Variants in PEMT observed in about 807,000 individuals in gnomAD.
PEMT encodes phospholipid methyltransferase.
In PEMT, 23 loss-of-function variants were observed where a neutral mutation model predicts 27.4. That is an observed-to-expected ratio of 0.84 (90% CI 0.60 to 1.19). The LOEUF is 1.19. PEMT is among the 50% of genes most tolerant of loss of function. The probability of loss-of-function intolerance (pLI) is 0.00; values close to 1 mark genes in which losing one functional copy is unlikely to be tolerated. For synonymous variants in PEMT, 137 were observed against 139.1 expected (o/e 0.98, Z 0.11); for missense variants, 307 against 310.1 (o/e 0.99, Z 0.07).
chr17:17,511,810 T>A (rs1223511062), intron 4 of PEMT, among the ~76,000 whole-genome samples: 2 of 81,564 alleles, frequency 2.5e-5, no homozygotes. Flanking sequence ...TGCCCCCATC[T>A]CCCCTCCCAC....
chr17:17,556,739 G>A (rs1910083316), intron 2 of PEMT, among the ~76,000 whole-genome samples: 1 of 152,136 alleles, frequency 6.6e-6, no homozygotes, highest in African/African-American at 2.4e-5. Flanking sequence ...CCCTCCTTCA[G>A]AGAGGCCACA....
intron 2 of PEMT, among the ~76,000 whole-genome samples, chr17:17,564,007 T>G (rs1257510149): frequency 6.6e-6 from 1 of 151,974 alleles, no homozygotes; most frequent in Non-Finnish European, 1.5e-5. Flanking sequence ...CCAGCCCCTT[T>G]AGGCCTGGCT....
chr17:17,512,713 G>C lies in PEMT; in HGVS notation c.321-59C>G, dbSNP rs1204695054. The C allele has an allele frequency of 2.8e-6, 4 of 1,428,022 alleles. No individual in the cohort carries two copies. Among genetic ancestry groups the C allele is most frequent in the African/African-American group, 2.9e-5 (2 of 69,472 alleles). The allele number at this position is 1,428,022 out of a possible 1,614,324, so 88.5% of individuals were successfully genotyped here. A position where few individuals can be genotyped will look rare whatever the true frequency, so the allele number is the denominator to read the frequency against. On this transcript the variant is annotated intron_variant, in intron 3 of 6. Coordinates refer to ENST00000255389, the MANE Select transcript of PEMT (RefSeq NM_148172.3). The surrounding 1 kb of genome is among the most constrained non-coding windows in gnomAD (Gnocchi z 6.3). ...GGCCAGGGAGGATGTCACAGCCCGG[G>C]AGGAGGCCGACCTCATCTTCTCGCC...
chr17:17,510,235 G>A lies in PEMT; in HGVS notation c.467-690C>T, dbSNP rs551839483. ...GCACCCGTCAGCCGCACAGCCACAA[G>A]GCGTCCCCCGGCAGAGCTGCTCTGA... On this transcript the variant is annotated intron_variant, in intron 4 of 6. Coordinates refer to ENST00000255389, the MANE Select transcript of PEMT (RefSeq NM_148172.3). Among the ~76,000 whole-genome samples, 408 of 152,336 alleles carry A rather than the reference G, an allele frequency of 2.7e-3. 2 individuals are homozygous for A. Among genetic ancestry groups the A allele is most frequent in the Non-Finnish European group, 4.1e-3 (279 of 68,018 alleles).
intron 2 of PEMT, among the ~76,000 whole-genome samples, chr17:17,565,550 G>A (rs550497258): frequency 2.6e-5 from 4 of 152,332 alleles, no homozygotes; most frequent in Admixed American, 2.0e-4. Flanking sequence ...TGGGGAGGGC[G>A]GGGAGTCAGG....
At chr17:17,534,333 C>T (rs1221993488) in intron 2 of PEMT, among the ~76,000 whole-genome samples, 1 of 152,180 alleles carries the variant, frequency 6.6e-6, no homozygotes, top group African/African-American at 2.4e-5. Flanking sequence ...TGAAAGAAGC[C>T]AGACAAACAT....
chr17:17,540,775 G>GC (rs1908822852), intron 2 of PEMT, among the ~76,000 whole-genome samples: 1 of 152,082 alleles, frequency 6.6e-6, no homozygotes, highest in African/African-American at 2.4e-5. Flanking sequence ...TGACCCCCTC[G>GC]CTCCCCCACC....
intron 2 of PEMT, among the ~76,000 whole-genome samples, chr17:17,534,667 A>G (rs1336692172): frequency 6.6e-6 from 1 of 152,240 alleles, no homozygotes; most frequent in African/African-American, 2.4e-5. Context: ...TGAGACCCCC[A>G]TCTCTACAAA....
chr17:17,538,527 C>G (rs145654367), intron 2 of PEMT, among the ~76,000 whole-genome samples: 140 of 151,762 alleles, frequency 9.2e-4, no homozygotes, highest in African/African-American at 3.2e-3. Flanking sequence ...TGCATTCCAG[C>G]CTGGGTGGCA....
At chr17:17,530,818 T>TCAAAAG (rs1266748394) in intron 2 of PEMT, among the ~76,000 whole-genome samples, 1 of 152,194 alleles carries the variant, frequency 6.6e-6, no homozygotes, top group Non-Finnish European at 1.5e-5. Flanking sequence ...GAACAAAAAC[T>TCAAAAG]TTTGAAGTGG....
rs4646345 is a variant in PEMT at position 17,577,668 on chromosome 17, GA to G, written c.97-642del. Among the ~76,000 whole-genome samples the G allele has an allele frequency of 1.0e-3, 122 of 118,748 alleles. 1 individual carries two copies. The highest frequency in any genetic ancestry group is 1.7e-3 in the Admixed American group (20 of 11,528). 77.9% of individuals were successfully genotyped at this position (118,748 alleles called of 152,430 possible). On this transcript the variant is annotated intron_variant, in intron 1 of 6. Transcript: ENST00000255389. ...GGTGTCCAGCAACCAAAGAAATGAA[GA>G]AAAAAAAAAAAAACCCACGGCCCAT...
At chr17:17,517,352 G>C (rs916964999) in intron 3 of PEMT, among the ~76,000 whole-genome samples, 2 of 152,250 alleles carry the variant, frequency 1.3e-5, no homozygotes, top group Admixed American at 6.5e-5. Context: ...AAAAATTCTG[G>C]CCTGTTCTGC....
At chr17:17,514,422 A>G (rs976663687) in intron 3 of PEMT, among the ~76,000 whole-genome samples, 4 of 152,238 alleles carry the variant, frequency 2.6e-5, no homozygotes, top group Non-Finnish European at 1.5e-5. Context: ...CCCATCCCCA[A>G]GAGCAGAGAA....
chr17:17,569,174 A>C (rs1290831325), intron 2 of PEMT, among the ~76,000 whole-genome samples: 1 of 152,182 alleles, frequency 6.6e-6, no homozygotes, highest in Non-Finnish European at 1.5e-5. Context: ...GCGTCCTGAT[A>C]CAGACATAAG....
At chr17:17,576,164 G>T (rs1911572536) in intron 2 of PEMT, among the ~76,000 whole-genome samples, 1 of 151,990 alleles carries the variant, frequency 6.6e-6, no homozygotes, top group African/African-American at 2.4e-5. Context: ...TTGGGAGAGC[G>T]GGCCAGGAAC....
chr17:17,507,215 A>G (rs1384553771), intron 5 of PEMT: 1 of 1,473,858 alleles, frequency 6.8e-7, no homozygotes, highest in Non-Finnish European at 9.2e-7. Context: ...GCCAGGGAGG[A>G]GGGAGGGAGG....
At chr17:17,571,820 C>T (rs1911224601) in intron 2 of PEMT, among the ~76,000 whole-genome samples, 4 of 152,152 alleles carry the variant, frequency 2.6e-5, no homozygotes. Flanking sequence ...GTGACCCACC[C>T]ACCTCAGCCT....
chr17:17,533,187 A>C (rs937395384), intron 2 of PEMT, among the ~76,000 whole-genome samples: 1 of 152,262 alleles, frequency 6.6e-6, no homozygotes, highest in African/African-American at 2.4e-5. Context: ...TTCCACATAC[A>C]TGGCAAGTGA....
chr17:17,548,687 T>TA (rs745997293), intron 2 of PEMT, among the ~76,000 whole-genome samples: 4 of 152,172 alleles, frequency 2.6e-5, no homozygotes, highest in Admixed American at 6.5e-5. Context: ...TAGCTGGGAT[T>TA]ACAGGCATGC....
Sources: allele counts gnomAD v4.1 joint callset (sites outside exome capture counted in the v4.1 genomes callset), GRCh38; gene constraint gnomAD v4.1.1; non-coding constraint Gnocchi (gnomAD v3.1); transcripts MANE v1.5; gene names NCBI Gene and HGNC (gene_info 2026-07-23, HGNC 2026-07-21).